The following MAGI1 variants were observed in gnomAD, a reference collection of about 807,000 sequenced individuals.
MAGI1 encodes membrane-associated guanylate kinase, WW and PDZ domain-containing protein 1.
MAGI1 carries 58 observed loss-of-function variants against 139.9 expected under a neutral mutation model. That is an observed-to-expected ratio of 0.41 (90% CI 0.34 to 0.52). The LOEUF (loss-of-function observed/expected upper bound fraction) is 0.52, where lower values mean the gene tolerates loss of function less well. Ranked by LOEUF, MAGI1 falls within the 20% of genes least tolerant of loss-of-function variation. MAGI1 has a pLI of 0.12. For missense variants in MAGI1, 1,874 were observed against 1,901.6 expected (o/e 0.99, Z 0.27); for synonymous variants, 812 against 737.9 (o/e 1.10, Z -1.63).
rs373485504 is a variant in MAGI1 at position 65,439,934 on chromosome 3, C to T, written c.1215G>A (p.Gln405=). The change falls in exon 9 of 23, where the codon CAG becomes CAA. Residue 405 remains glutamine (Q), a synonymous_variant. Transcript: ENST00000402939. ...GCTGCTGTTGCTGCTGCTGTTGCTGCTGCTGCTGCTGCTCAAGCTGCTTCT... is the reference window on the plus strand; with the variant it reads ...GCTGCTGTTGCTGCTGCTGTTGCTGTTGCTGCTGCTGCTCAAGCTGCTTCT... ...KRKKQLEQQQ[Q]QQQQQQQQQQ... 3 of 1,605,180 alleles carry T rather than the reference C, an allele frequency of 1.9e-6. No individual in the cohort carries two copies. In the African/African-American group the frequency reaches 4.0e-5, roughly 21 times the overall value.
intron 1 of MAGI1, among the ~76,000 whole-genome samples, chr3:65,690,709 A>T (rs1250970913): frequency 8.7e-6 from 1 of 114,424 alleles, no homozygotes; most frequent in Non-Finnish European, 1.7e-5. Flanking sequence ...TGAACTCCTG[A>T]CCTCAAGTGA....
chr3:65,637,998 G>C (rs1030457941), intron 1 of MAGI1, among the ~76,000 whole-genome samples: 2 of 152,158 alleles, frequency 1.3e-5, no homozygotes, highest in African/African-American at 2.4e-5. Context: ...TAGACTATGT[G>C]ACTGAACAAG....
At chr3:65,495,987 T>C (rs998987826) in intron 2 of MAGI1, among the ~76,000 whole-genome samples, 3 of 152,174 alleles carry the variant, frequency 2.0e-5, no homozygotes, top group Admixed American at 6.5e-5. Flanking sequence ...CTAAGGATAA[T>C]GGAATGTCAT....
chr3:65,687,212 C>T (rs1209629912), intron 1 of MAGI1: 1 of 174,376 alleles, frequency 5.7e-6, no homozygotes, highest in Non-Finnish European at 1.2e-5. Context: ...CTGAATAACA[C>T]AGCAAGATCC....
intron 1 of MAGI1, among the ~76,000 whole-genome samples, chr3:65,863,871 G>A (rs2059633478): frequency 6.6e-6 from 1 of 152,176 alleles, no homozygotes; most frequent in African/African-American, 2.4e-5. Flanking sequence ...CTAGTCTTCA[G>A]ATTCTAGCTG....
At chr3:65,423,584 A>G (rs1455878400) in intron 12 of MAGI1, among the ~76,000 whole-genome samples, 3 of 152,352 alleles carry the variant, frequency 2.0e-5, no homozygotes, top group South Asian at 4.1e-4. Context: ...ATAGTCTTCA[A>G]TAATTATGGT....
chr3:65,926,361 C>CTCTCTA (rs2062513988), intron 1 of MAGI1, among the ~76,000 whole-genome samples: 1 of 151,320 alleles, frequency 6.6e-6, no homozygotes, highest in Non-Finnish European at 1.5e-5. Flanking sequence ...CTCTCTCTCT[C>CTCTCTA]TCTCTCTCCC....
intron 1 of MAGI1, among the ~76,000 whole-genome samples, chr3:65,841,868 C>A (rs1400951440): frequency 6.6e-6 from 1 of 152,088 alleles, no homozygotes; most frequent in East Asian, 1.9e-4. Context: ...GAATAAAAAA[C>A]CATATTACAA....
intron 1 of MAGI1, among the ~76,000 whole-genome samples, chr3:65,751,987 C>T (rs113659684): frequency 1.1e-4 from 17 of 152,250 alleles, no homozygotes; most frequent in African/African-American, 2.6e-4. Context: ...ATGGCACCCA[C>T]GCTGGAGTGC....
chr3:65,552,066 T>C (rs891371402), intron 2 of MAGI1, among the ~76,000 whole-genome samples: 2 of 152,202 alleles, frequency 1.3e-5, no homozygotes, highest in Admixed American at 6.5e-5. Flanking sequence ...CAAATAATTA[T>C]ATTAGGTCAT....
At chr3:65,786,015 C>T (rs1420925458) in intron 1 of MAGI1, among the ~76,000 whole-genome samples, 1 of 151,638 alleles carries the variant, frequency 6.6e-6, no homozygotes, top group Non-Finnish European at 1.5e-5. Context: ...GGGCTCACTG[C>T]AACCTCTGCT....
At chr3:65,563,321 G>A (rs928196911) in intron 2 of MAGI1, among the ~76,000 whole-genome samples, 1 of 152,158 alleles carries the variant, frequency 6.6e-6, no homozygotes, top group African/African-American at 2.4e-5. Context: ...ACATCAGTAT[G>A]CAACTGAACA....
chr3:65,474,677 C>A (rs1950764772), intron 4 of MAGI1, among the ~76,000 whole-genome samples: 1 of 152,154 alleles, frequency 6.6e-6, no homozygotes, highest in South Asian at 2.1e-4. Context: ...GTGACTTCAA[C>A]AACATAAGCC....
intron 2 of MAGI1, among the ~76,000 whole-genome samples, chr3:65,614,118 T>A (rs2083254303): frequency 1.3e-5 from 2 of 152,136 alleles, no homozygotes; most frequent in African/African-American, 4.8e-5. Context: ...GCCTCTCAGG[T>A]CCACCACACC....
chr3:65,365,155 C>A lies in MAGI1; in HGVS notation c.3197-209G>T, dbSNP rs1055568764. On this transcript the variant is annotated intron_variant, in intron 18 of 22. Coordinates refer to ENST00000402939, the MANE Select transcript of MAGI1 (RefSeq NM_001033057.2). ...GTGGGTCATGTATGTCCCCATGACC[C>A]TCCTCCCAAACAGACATCTCCACAA... 1.8e-5 allele frequency: 13 copies of A among 738,408 alleles called. No homozygotes were observed. The African/African-American group carries it at 2.2e-4, about 13-fold the overall frequency. The allele number at this position is 738,408 out of a possible 1,614,324, so 45.7% of individuals were successfully genotyped here.
intron 1 of MAGI1, among the ~76,000 whole-genome samples, chr3:65,969,285 C>T (rs1371846233): frequency 1.3e-5 from 2 of 152,118 alleles, no homozygotes; most frequent in Admixed American, 6.6e-5. Flanking sequence ...ACCATTTCAC[C>T]GGGAGCGGAG....
chr3:65,749,196 T>C (rs553070954), intron 1 of MAGI1, among the ~76,000 whole-genome samples: 2 of 152,232 alleles, frequency 1.3e-5, no homozygotes, highest in South Asian at 2.1e-4. Flanking sequence ...GAGATCATGA[T>C]AGTGAAGGTT....
intron 1 of MAGI1, among the ~76,000 whole-genome samples, chr3:65,921,713 C>A (rs2062197560): frequency 6.6e-6 from 1 of 152,094 alleles, no homozygotes; most frequent in Non-Finnish European, 1.5e-5. Context: ...AAGAAAAGGT[C>A]ATTCCACAAA....
chr3:65,581,799 CACTT>C (rs1258655469), intron 2 of MAGI1, among the ~76,000 whole-genome samples: 1 of 152,148 alleles, frequency 6.6e-6, no homozygotes, highest in African/African-American at 2.4e-5. Context: ...CCATATAACT[CACTT>C]ACTAATACTT....
Sources: gnomAD v4.1 joint callset for allele counts (sites outside exome capture counted in the v4.1 genomes callset) on GRCh38, gnomAD v4.1.1 for gene constraint, MANE v1.5 for transcripts, NCBI Gene and HGNC (gene_info 2026-07-23, HGNC 2026-07-21) for gene names.